C9: variants seen among roughly 807,000 people sequenced by gnomAD.
C9 encodes the protein complement component C9.
In C9, 63 loss-of-function variants were observed where a neutral mutation model predicts 65.4. The observed-to-expected ratio is 0.96, with a 90% confidence interval of 0.79 to 1.19. The LOEUF is 1.19. Ranked by LOEUF, C9 falls within the 50% of genes most tolerant of loss-of-function variation. The probability of loss-of-function intolerance (pLI) is 0.00; values close to 1 mark genes in which losing one functional copy is unlikely to be tolerated. For synonymous variants in C9, 229 were observed against 227.9 expected (o/e 1.00, Z -0.04); for missense variants, 744 against 670.1 (o/e 1.11, Z -1.22).
chr5:39,327,967 A>T (rs1463798024), intron 5 of C9, among the ~76,000 whole-genome samples: 2 of 152,240 alleles, frequency 1.3e-5, no homozygotes, highest in Non-Finnish European at 2.9e-5. Context: ...TAGCAAGTGT[A>T]GACAACATGG....
At chr5:39,309,078 A>G (rs1293369885) in intron 7 of C9, among the ~76,000 whole-genome samples, 1 of 152,130 alleles carries the variant, frequency 6.6e-6, no homozygotes, top group Non-Finnish European at 1.5e-5. Context: ...CTGACTCATT[A>G]TGGTGTGTAG....
At chr5:39,362,902 C>G (rs1318272765) in intron 1 of C9, among the ~76,000 whole-genome samples, 2 of 152,038 alleles carry the variant, frequency 1.3e-5, no homozygotes, top group African/African-American at 2.4e-5. Flanking sequence ...CCCACGAAAC[C>G]AAACCAAACT....
At chr5:39,312,796 G>T (rs1450495243) in intron 6 of C9, among the ~76,000 whole-genome samples, 3 of 152,076 alleles carry the variant, frequency 2.0e-5, no homozygotes, top group Non-Finnish European at 2.9e-5. Flanking sequence ...CTTTTTAAAG[G>T]TATATCTTGC....
chr5:39,324,406 G>A (rs775945295), intron 5 of C9, among the ~76,000 whole-genome samples: 1 of 152,140 alleles, frequency 6.6e-6, no homozygotes, highest in Non-Finnish European at 1.5e-5. Flanking sequence ...CTTTCTGATA[G>A]AGGGGGTGTA....
At chr5:39,313,450 T>C (rs1240469576) in intron 6 of C9, among the ~76,000 whole-genome samples, 1 of 152,144 alleles carries the variant, frequency 6.6e-6, no homozygotes, top group Admixed American at 6.5e-5. Context: ...TCTCTTCTTC[T>C]TAATAGAGAT....
chr5:39,289,099 T>C (rs902374571), intron 9 of C9, 148 bp from the exon 10 acceptor site: 4 of 653,568 alleles, frequency 6.1e-6, no homozygotes, highest in Non-Finnish European at 1.1e-5. Flanking sequence ...TGTTAGCTTT[T>C]AAACAATCAA....
chr5:39,361,220 C>A (rs1754512788), intron 1 of C9, among the ~76,000 whole-genome samples: 1 of 151,946 alleles, frequency 6.6e-6, no homozygotes, highest in Non-Finnish European at 1.5e-5. Flanking sequence ...TATGGTTTAA[C>A]CTACAAAATA....
chr5:39,322,581 C>A (rs1468158089), intron 5 of C9, among the ~76,000 whole-genome samples: 1 of 151,952 alleles, frequency 6.6e-6, no homozygotes, highest in Non-Finnish European at 1.5e-5. Context: ...ACAAAATGAA[C>A]AAACCTTTAG....
Position 39,341,673 on chromosome 5 carries a change from CA to C in C9, c.210del (p.Phe70LeufsTer44). 1.2e-6 allele frequency: 2 copies of C among 1,613,992 alleles called. No individual in the cohort carries two copies. Among genetic ancestry groups the C allele is most frequent in the Non-Finnish European group, 1.7e-6 (2 of 1,179,896 alleles). On this transcript the variant is annotated frameshift_variant, in exon 3 of 11. Coordinates refer to ENST00000263408, the MANE Select transcript of C9 (RefSeq NM_001737.5). LOFTEE classifies it high-confidence loss of function. ...QMFRSRSIEV[F>X]GQFNGKRCTD... ...GTGCATCTTTTCCCATTAAATTGTC[CA>C]AAGACCTCAATGCTTCTTGAACGAA...
At position 39,311,293 on chromosome 5, in the gene C9, A is replaced by C; in HGVS notation, c.955T>G (p.Phe319Val). Residue 319 changes from phenylalanine (F) to valine (V), a missense_variant, in exon 7 of 11, where the codon TTT becomes GTT. By Grantham distance (50) the Phe-to-Val change is conservative. Coordinates refer to ENST00000263408, the MANE Select transcript of C9 (RefSeq NM_001737.5). ...GGCAAAGCTTTTATATCATCCACAA[A>C]AGTTGTTGTGAGCACAACATCGCGA... is the stretch of plus-strand genomic sequence containing the variant. ...RNRDVVLTTT[F>V]VDDIKALPTT... The C allele has an allele frequency of 6.2e-7, 1 of 1,613,732 alleles. No homozygotes were observed. Among genetic ancestry groups the C allele is most frequent in the Non-Finnish European group, 8.5e-7 (1 of 1,179,720 alleles).
At chr5:39,357,176 G>T (rs1314832862) in intron 1 of C9, among the ~76,000 whole-genome samples, 1 of 152,158 alleles carries the variant, frequency 6.6e-6, no homozygotes, top group Non-Finnish European at 1.5e-5. Context: ...GATACTTTGT[G>T]GTAGGCCCAG....
chr5:39,331,813 TC>T lies in C9; in HGVS notation c.477del (p.Ile160SerfsTer4). The stretch of plus-strand genomic sequence containing the variant: ...AGGGGATCCATCCCTAAAATGTTGA[TC>T]CTGAGAATGAACAGAGTAGTATCAG... ...ESELARTAGY[G>X]INILGMDPLS... On this transcript the variant is annotated frameshift_variant and splice_region_variant, in exon 5 of 11. Coordinates refer to ENST00000263408, the MANE Select transcript of C9 (RefSeq NM_001737.5). LOFTEE classifies it high-confidence loss of function. 2 of 1,613,292 alleles carry T rather than the reference TC, an allele frequency of 1.2e-6. No homozygotes were observed. The highest frequency in any genetic ancestry group is 8.5e-7 in the Non-Finnish European group (1 of 1,179,276).
intron 7 of C9, among the ~76,000 whole-genome samples, chr5:39,309,162 T>C (rs182446699): frequency 4.7e-4 from 70 of 149,334 alleles, no homozygotes; most frequent in African/African-American, 1.7e-3. Context: ...TTTTTGCAAT[T>C]CATAAAAAAA....
chr5:39,289,000 A>G lies in C9; in HGVS notation c.1417-49T>C, dbSNP rs75632454. The G allele has an allele frequency of 2.3e-3, 2,276 of 980,334 alleles. 33 individuals carry two copies. The African/African-American group carries it at 0.031, about 14-fold the overall frequency. 60.7% of individuals were successfully genotyped at this position (980,334 alleles called of 1,614,324 possible). On this transcript the variant is annotated intron_variant, in intron 9 of 10. Transcript: ENST00000263408. ...TTTTAGGTCCTTTTTAACTGAGAGA[A>G]CTTGTAGAATACACTTTACTTAATT...
intron 6 of C9, 124 bp from the exon 7 acceptor site, chr5:39,311,501 C>T: frequency 2.4e-6 from 2 of 843,662 alleles, no homozygotes; most frequent in South Asian, 1.4e-5. Flanking sequence ...AGATACCACT[C>T]TAATCCACCA....
At chr5:39,339,733 C>G (rs1754038092) in intron 4 of C9, among the ~76,000 whole-genome samples, 1 of 141,702 alleles carries the variant, frequency 7.1e-6, no homozygotes, top group Non-Finnish European at 1.5e-5. Flanking sequence ...GATCTCGGCT[C>G]ACTGCAAGCT....
At chr5:39,334,024 C>T (rs1024925376) in intron 4 of C9, among the ~76,000 whole-genome samples, 122 of 152,170 alleles carry the variant, frequency 8.0e-4, no homozygotes, top group South Asian at 2.1e-4. Flanking sequence ...AGCCTCTGCC[C>T]GGCCGCCACC....
intron 5 of C9, among the ~76,000 whole-genome samples, chr5:39,319,574 A>G (rs1439010598): frequency 1.3e-5 from 2 of 152,132 alleles, no homozygotes; most frequent in Non-Finnish European, 2.9e-5. Context: ...GCACCAGGCC[A>G]GCACCTGGGA....
At chr5:39,339,320 C>A (rs1247532675) in intron 4 of C9, among the ~76,000 whole-genome samples, 3 of 152,198 alleles carry the variant, frequency 2.0e-5, no homozygotes, top group Non-Finnish European at 2.9e-5. Flanking sequence ...TTATAAAGTG[C>A]ATGAAGGGCA....
Sources: gnomAD v4.1 joint callset for allele counts (sites outside exome capture counted in the v4.1 genomes callset) on GRCh38, gnomAD v4.1.1 for gene constraint, MANE v1.5 for transcripts, NCBI Gene and HGNC (gene_info 2026-07-23, HGNC 2026-07-21) for gene names.